The following ATP2B2 variants were observed in gnomAD, a reference collection of about 807,000 sequenced individuals.
ATP2B2 encodes plasma membrane calcium-transporting ATPase 2.
A neutral mutation model predicts 120.0 loss-of-function variants in ATP2B2; 15 were observed. That is an observed-to-expected ratio of 0.12 (90% CI 0.08 to 0.19). The LOEUF (loss-of-function observed/expected upper bound fraction) is 0.19. ATP2B2 is among the 10% of genes least tolerant of loss of function. The pLI is 1.00. For missense variants in ATP2B2, 1,045 were observed against 1,719.8 expected (o/e 0.61, Z 6.94); for synonymous variants, 694 against 700.3 (o/e 0.99, Z 0.14).
At chr3:10,441,414 A>AT (rs1288654753) in intron 2 of ATP2B2, among the ~76,000 whole-genome samples, 1 of 151,902 alleles carries the variant, frequency 6.6e-6, no homozygotes, top group African/African-American at 2.4e-5. Flanking sequence ...TCATTTTTGT[A>AT]TTTTTAGTAG....
intron 22 of ATP2B2, among the ~76,000 whole-genome samples, chr3:10,337,881 C>T (rs927129750): frequency 6.6e-6 from 1 of 152,168 alleles, no homozygotes; most frequent in African/African-American, 2.4e-5. Flanking sequence ...TCAGAGCCAC[C>T]CTTCCCCACC....
chr3:10,354,250 G>A (rs1235178612), intron 14 of ATP2B2, among the ~76,000 whole-genome samples: 3 of 152,148 alleles, frequency 2.0e-5, no homozygotes, highest in Admixed American at 1.3e-4. Context: ...AACAGCTCTG[G>A]CGCATCTAAC....
At position 10,582,528 on chromosome 3, in the gene ATP2B2, G is replaced by A. The variant is rs1290949610; in HGVS notation, c.-415+37389C>T. Among the ~76,000 whole-genome samples, 3 of 152,210 alleles carry A rather than the reference G, an allele frequency of 2.0e-5. No individual in the cohort carries two copies. The East Asian group carries it at 5.8e-4, about 29-fold the overall frequency. ...ATCATTGCAGAATTATATGTGCTTT[G>A]GAGAAAATTAAATAAGTGGGGTAGA... On this transcript the variant is annotated intron_variant, in intron 2 of 21. Coordinates refer to the ATP2B2 transcript ENST00000646379.
At chr3:10,678,123 C>A (rs925061134) in intron 1 of ATP2B2, among the ~76,000 whole-genome samples, 22 of 152,220 alleles carry the variant, frequency 1.4e-4, no homozygotes, top group African/African-American at 5.3e-4. Context: ...CACCAATGTG[C>A]AAACCGTGGT....
At chr3:10,370,097 G>T (rs2061180956) in intron 12 of ATP2B2, among the ~76,000 whole-genome samples, 2 of 152,196 alleles carry the variant, frequency 1.3e-5, no homozygotes, top group South Asian at 4.1e-4. Flanking sequence ...CACCTGAAAA[G>T]ACTCAATCCA....
intron 3 of ATP2B2, among the ~76,000 whole-genome samples, chr3:10,517,652 A>G (rs970442486): frequency 6.6e-6 from 1 of 152,130 alleles, no homozygotes; most frequent in Admixed American, 6.6e-5. Context: ...GGTGGAGTAA[A>G]CTCACTGAAT....
intron 2 of ATP2B2, among the ~76,000 whole-genome samples, chr3:10,577,728 C>A (rs1291950420): frequency 6.6e-6 from 1 of 152,214 alleles, no homozygotes; most frequent in East Asian, 1.9e-4. Flanking sequence ...CATGGGGATG[C>A]ATTCCCGGCA....
intron 1 of ATP2B2, among the ~76,000 whole-genome samples, chr3:10,494,885 G>A (rs914633020): frequency 2.0e-5 from 3 of 152,210 alleles, no homozygotes; most frequent in African/African-American, 7.2e-5. Flanking sequence ...TCAAAACCCT[G>A]AGGCTCAGAA....
intron 2 of ATP2B2, among the ~76,000 whole-genome samples, chr3:10,592,594 C>T (rs1472277959): frequency 6.6e-6 from 1 of 152,204 alleles, no homozygotes; most frequent in Non-Finnish European, 1.5e-5. Context: ...GGGCCTTGTC[C>T]CTTCTAAGAA....
intron 15 of ATP2B2, 43 bp from the exon 16 acceptor site, chr3:10,350,242 A>T (rs1467187621): frequency 6.3e-7 from 1 of 1,582,234 alleles, no homozygotes; most frequent in East Asian, 2.3e-5. Context: ...GGGGTCGGGG[A>T]GAGAAACTGA....
intron 3 of ATP2B2, among the ~76,000 whole-genome samples, chr3:10,516,489 C>A (rs186581201): frequency 2.9e-4 from 44 of 152,348 alleles, no homozygotes; most frequent in Admixed American, 2.6e-3. Flanking sequence ...CAGCCACTCC[C>A]TCTTAGCTGC....
upstream of ATP2B2, chr3:10,505,760 CG>C (rs1451623542): frequency 2.9e-5 from 2 of 69,996 alleles, no homozygotes; most frequent in African/African-American, 1.1e-4. Flanking sequence ...CAGGGAGGGC[CG>C]GTTCTGGAGG....
At chr3:10,392,106 C>T (rs578210898) in intron 5 of ATP2B2, among the ~76,000 whole-genome samples, 69 of 152,262 alleles carry the variant, frequency 4.5e-4, no homozygotes, top group Non-Finnish European at 8.4e-4. Flanking sequence ...TGCTTCCAGG[C>T]CTGGCTCCTC....
At chr3:10,681,713 C>T (rs1397323706) in intron 1 of ATP2B2, among the ~76,000 whole-genome samples, 1 of 152,140 alleles carries the variant, frequency 6.6e-6, no homozygotes, top group Non-Finnish European at 1.5e-5. Context: ...GATGCAGGTC[C>T]TATTATTATT....
At position 10,340,664 on chromosome 3, in the gene ATP2B2, G is replaced by C; in HGVS notation, c.2958C>G (p.Pro986=). Residue 986 remains proline, a synonymous_variant, in exon 20 of 23, where the codon CCC becomes CCG. Transcript: ENST00000360273. The surrounding 1 kb of genome is among the most constrained non-coding windows in gnomAD (Gnocchi z 5.0). ...AATGTTCTGAGGGTGGCGAATGCAGGGGCGCGTTCCTCCCGCTGTCGATCT... is the reference window on the plus strand; with the variant it reads ...AATGTTCTGAGGGTGGCGAATGCAGCGGCGCGTTCCTCCCGCTGTCGATCT... ...MFQIDSGRNA[P]LHSPPSEHYT... 6.2e-7 allele frequency: 1 copy of C among 1,614,228 alleles called. No individual in the cohort carries two copies.
intron 16 of ATP2B2, among the ~76,000 whole-genome samples, chr3:10,348,682 C>G (rs1342075144): frequency 6.6e-6 from 1 of 152,234 alleles, no homozygotes; most frequent in Non-Finnish European, 1.5e-5. Flanking sequence ...TGGCCTGTGA[C>G]CTAAAGCCTC....
chr3:10,408,625 C>T (rs2062500159), intron 3 of ATP2B2, among the ~76,000 whole-genome samples: 1 of 152,220 alleles, frequency 6.6e-6, no homozygotes, highest in Admixed American at 6.5e-5. Context: ...GTTGAAAATC[C>T]TGCCCTACAG....
intron 8 of ATP2B2, 21 bp from the exon 9 acceptor site, chr3:10,379,305 A>G: frequency 6.2e-7 from 1 of 1,613,432 alleles, no homozygotes; most frequent in East Asian, 2.2e-5. Context: ...AAGAATTTTA[A>G]CAGACAACAG....
upstream of ATP2B2, among the ~76,000 whole-genome samples, chr3:10,509,644 A>G (rs934119729): frequency 6.6e-6 from 1 of 152,066 alleles, no homozygotes; most frequent in African/African-American, 2.4e-5. Flanking sequence ...GAAGCACACA[A>G]CTCAGGATCT....
Sources: allele counts gnomAD v4.1 joint callset (sites outside exome capture counted in the v4.1 genomes callset), GRCh38; gene constraint gnomAD v4.1.1; non-coding constraint Gnocchi (gnomAD v3.1); transcripts MANE v1.5; gene names NCBI Gene and HGNC (gene_info 2026-07-23, HGNC 2026-07-21).